The following EDA variants were observed in gnomAD, a reference collection of about 807,000 sequenced individuals.
EDA encodes ectodysplasin A, also known as ectodysplasin-A.
A neutral mutation model predicts 23.6 loss-of-function variants in EDA; 2 were observed. That is an observed-to-expected ratio of 0.08 (90% CI 0.03 to 0.27). The LOEUF is 0.27. Ranked by LOEUF, EDA falls within the 10% of genes least tolerant of loss-of-function variation. The pLI is 1.00. For missense variants in EDA, 229 were observed against 324.2 expected, an observed-to-expected ratio of 0.71 and a Z score of 2.26; for synonymous variants, 131 against 132.0, an observed-to-expected ratio of 0.99 and a Z score of 0.05.
intron 2 of EDA, among the ~76,000 whole-genome samples, chrX:70,021,524 A>G (rs2020033536): frequency 9.0e-6 from 1 of 111,520 alleles, no homozygotes; most frequent in Non-Finnish European, 1.9e-5. Context: ...TCGCTGCCTC[A>G]TATCATTAAT....
intron 1 of EDA, among the ~76,000 whole-genome samples, chrX:69,815,164 G>C: frequency 8.9e-6 from 1 of 112,218 alleles, no homozygotes. Flanking sequence ...CAAGTTCCTG[G>C]GGGGAGGGGA....
chrX:69,878,384 C>T, intron 1 of EDA, among the ~76,000 whole-genome samples: 1 of 112,491 alleles, frequency 8.9e-6, no homozygotes, highest in Non-Finnish European at 1.9e-5. Context: ...GTGAGGCTGC[C>T]CAGTGTTCAG....
At chrX:69,963,066 C>A (rs1377599985) in intron 2 of EDA, among the ~76,000 whole-genome samples, 2 of 111,691 alleles carry the variant, frequency 1.8e-5, no homozygotes, top group Non-Finnish European at 3.8e-5. Context: ...TCAGAAATTT[C>A]TCTTCCTTGT....
Position 69,876,707 on chromosome X carries a change from A to G in EDA, c.397-80320A>G, listed in dbSNP as rs183843254. Among the ~76,000 whole-genome samples, 3 of 111,805 alleles carry G rather than the reference A, an allele frequency of 2.7e-5. No homozygotes were observed. In the East Asian group the frequency reaches 8.5e-4, roughly 32 times the overall value. ...AACCATGGAATATGTAGGTTTTTGC[A>G]TCTGGCCTTTTTTCATTTAGCACAA... On this transcript the variant is annotated intron_variant, in intron 1 of 7. Transcript: ENST00000374552.
intron 1 of EDA, among the ~76,000 whole-genome samples, chrX:69,881,848 G>C (rs1471417482): frequency 1.8e-5 from 2 of 111,291 alleles, no homozygotes; most frequent in African/African-American, 6.6e-5. Context: ...GCAAGAAAGG[G>C]AGTAAGAGAG....
At chrX:69,925,891 G>A (rs1455722253) in intron 1 of EDA, among the ~76,000 whole-genome samples, 1 of 108,867 alleles carries the variant, frequency 9.2e-6, no homozygotes, top group Non-Finnish European at 1.9e-5. Context: ...TCTTGGGAGG[G>A]TGTATATGTG....
At chrX:69,888,445 T>C (rs2017861962) in intron 1 of EDA, among the ~76,000 whole-genome samples, 1 of 107,222 alleles carries the variant, frequency 9.3e-6, no homozygotes, top group Admixed American at 1.0e-4. Context: ...TCCTTACCTA[T>C]CAATAATTAC....
At chrX:69,791,390 A>G (rs2804343) in intron 1 of EDA, among the ~76,000 whole-genome samples, 41,723 of 110,204 alleles carry the variant, frequency 0.38, 7,126 homozygotes, top group Middle Eastern at 0.64. Flanking sequence ...ATACAAAAAA[A>G]TTTGAGACAC....
chrX:69,634,196 G>T (rs1161487361), intron 1 of EDA, among the ~76,000 whole-genome samples: 1 of 112,057 alleles, frequency 8.9e-6, no homozygotes, highest in Non-Finnish European at 1.9e-5. Flanking sequence ...TTTCTAAATT[G>T]CATTATATGC....
chrX:69,796,018 GCATAGCACCTACCTA>G lies in EDA; in HGVS notation c.397-160992_397-160978del, dbSNP rs1385958619. 5.4e-5 allele frequency among the ~76,000 whole-genome samples: 6 copies of G among 111,826 alleles called. No individual in the cohort carries two copies. The South Asian group carries it at 1.2e-3, about 21-fold the overall frequency. ...TCCACCACCTGCATAGCACTTACCA[GCATAGCACCTACCTA>G]CATAGCACCTACCTACTAGCACCTT... On this transcript the variant is annotated intron_variant, in intron 1 of 7. Coordinates refer to ENST00000374552, the MANE Select transcript of EDA (RefSeq NM_001399.5).
chrX:69,877,593 T>C (rs192164849), intron 1 of EDA, among the ~76,000 whole-genome samples: 3 of 111,552 alleles, frequency 2.7e-5, no homozygotes, highest in African/African-American at 9.8e-5. Flanking sequence ...TTATAAGACA[T>C]GTGATTTGTA....
intron 1 of EDA, among the ~76,000 whole-genome samples, chrX:69,952,913 G>C (rs1001601595): frequency 7.1e-5 from 8 of 112,130 alleles, no homozygotes; most frequent in Admixed American, 9.5e-5. Flanking sequence ...CAAGTATGAG[G>C]GAATCTCTGG....
chrX:69,835,635 T>C (rs1024615559), intron 1 of EDA, among the ~76,000 whole-genome samples: 38 of 111,338 alleles, frequency 3.4e-4, no homozygotes, highest in Non-Finnish European at 6.2e-4. Context: ...CAAGGTTTTT[T>C]GCTTCCTTGG....
intron 1 of EDA, among the ~76,000 whole-genome samples, chrX:69,647,057 G>A (rs1932943994): frequency 9.0e-6 from 1 of 111,650 alleles, no homozygotes; most frequent in Admixed American, 9.5e-5. Context: ...CTGCTGAGAG[G>A]TCTGCTATTA....
intron 1 of EDA, among the ~76,000 whole-genome samples, chrX:69,674,102 CCTATCTAT>C (rs201928323): frequency 0.025 from 2,649 of 105,539 alleles, 73 homozygotes; most frequent in African/African-American, 0.077. Flanking sequence ...GTAGGAAAAG[CCTATCTAT>C]CTATCTATCT....
chrX:69,980,718 G>A (rs1190591145), intron 2 of EDA, among the ~76,000 whole-genome samples: 1 of 112,081 alleles, frequency 8.9e-6, no homozygotes, highest in Non-Finnish European at 1.9e-5. Context: ...CTATGTTCCA[G>A]GCACTATGGT....
In EDA at chrX:69,922,772, T is replaced by A. The variant is rs148634412; in HGVS notation, c.397-34255T>A. 1.9e-4 allele frequency among the ~76,000 whole-genome samples: 21 copies of A among 111,988 alleles called. No homozygotes were observed. The East Asian group carries it at 5.0e-3, about 27-fold the overall frequency. ...AGCTACAACGTAGGCAAAGGAAGCA[T>A]CCACTAAAGTGAATGCTAAGTCACC... On this transcript the variant is annotated intron_variant, in intron 1 of 7. Coordinates refer to ENST00000374552, the MANE Select transcript of EDA (RefSeq NM_001399.5).
intron 1 of EDA, among the ~76,000 whole-genome samples, chrX:69,834,810 G>A (rs1252438580): frequency 2.7e-5 from 3 of 111,575 alleles, no homozygotes; most frequent in African/African-American, 9.8e-5. Flanking sequence ...TCCTAGCATT[G>A]ATGGTCTTTA....
rs182251004 is a variant in EDA, at chrX:69,616,609, C to T, written c.301C>T (p.Pro101Ser). ...CCTCGGTGGCCTCGACCCTGACAGCCCCATCACCAGTCACCTTGGGCAGCC... is the reference window on the plus strand; with the variant it reads ...CCTCGGTGGCCTCGACCCTGACAGCTCCATCACCAGTCACCTTGGGCAGCC... ...SSLGGLDPDSPITSHLGQPSP... is the reference protein window; with the variant it reads ...SSLGGLDPDSSITSHLGQPSP... Residue 101 changes from proline (P) to serine (S), a missense_variant, in exon 1 of 8, where the codon CCC becomes TCC. Pro to Ser is a moderately conservative substitution (Grantham distance 74). Transcript: ENST00000374552. The T allele has an allele frequency of 1.4e-5, 17 of 1,209,847 alleles. No homozygotes were observed. The highest frequency in any genetic ancestry group is 2.3e-4 in the Middle Eastern group (1 of 4,356).
Sources: gnomAD v4.1 joint callset for allele counts (sites outside exome capture counted in the v4.1 genomes callset) on GRCh38, gnomAD v4.1.1 for gene constraint, MANE v1.5 for transcripts, NCBI Gene and HGNC (gene_info 2026-07-23, HGNC 2026-07-21) for gene names.